EVI5: variants seen among roughly 807,000 people sequenced by gnomAD.
The protein encoded by EVI5 is ecotropic viral integration site 5.
EVI5 carries 73 observed loss-of-function variants against 112.0 expected under a neutral mutation model. The ratio of observed to expected loss-of-function variants is 0.65; its 90% CI spans 0.54 to 0.79. The LOEUF (loss-of-function observed/expected upper bound fraction) is 0.79, where lower values mean the gene tolerates loss of function less well. Ranked by LOEUF, EVI5 falls within the 30% of genes least tolerant of loss-of-function variation. EVI5 has a pLI of 0.00. For missense variants in EVI5, 900 were observed against 968.8 expected, an observed-to-expected ratio of 0.93 and a Z score of 0.94; for synonymous variants, 305 against 319.9, an observed-to-expected ratio of 0.95 and a Z score of 0.50.
chr1:92,775,811 T>C (rs1005563861), intron 1 of EVI5, among the ~76,000 whole-genome samples: 1 of 152,102 alleles, frequency 6.6e-6, no homozygotes, highest in African/African-American at 2.4e-5. Context: ...ATAAAACTTG[T>C]TAAAAATTAA....
At chr1:92,597,507 T>C (rs1648180584) in intron 18 of EVI5, among the ~76,000 whole-genome samples, 1 of 152,216 alleles carries the variant, frequency 6.6e-6, no homozygotes, top group Admixed American at 6.5e-5. Flanking sequence ...TCTGTAATGG[T>C]AAATTCATTT....
At chr1:92,769,477 C>T (rs532167843) in intron 1 of EVI5, among the ~76,000 whole-genome samples, 10 of 152,262 alleles carry the variant, frequency 6.6e-5, no homozygotes, top group South Asian at 4.1e-4. Context: ...CCTCCTCTCA[C>T]GCCCCCTGCC....
intron 2 of EVI5, among the ~76,000 whole-genome samples, chr1:92,717,377 A>G (rs1366966678): frequency 1.3e-5 from 2 of 152,246 alleles, no homozygotes; most frequent in Non-Finnish European, 2.9e-5. Flanking sequence ...AGAAGAGAGT[A>G]GGGGCCAATC....
At chr1:92,722,594 A>G (rs1674938626) in intron 2 of EVI5, among the ~76,000 whole-genome samples, 1 of 151,246 alleles carries the variant, frequency 6.6e-6, no homozygotes, top group Admixed American at 6.6e-5. Context: ...TTTCTATCAC[A>G]TATCTCCTTT....
intron 1 of EVI5, among the ~76,000 whole-genome samples, chr1:92,742,726 T>C (rs1397207556): frequency 1.3e-5 from 2 of 151,806 alleles, no homozygotes; most frequent in African/African-American, 4.8e-5. Flanking sequence ...AAAACCACAA[T>C]GAGATATCAT....
intron 13 of EVI5, among the ~76,000 whole-genome samples, chr1:92,637,281 G>A (rs904612340): frequency 2.0e-5 from 3 of 151,994 alleles, no homozygotes; most frequent in Non-Finnish European, 2.9e-5. Flanking sequence ...GGGAGTGTGA[G>A]GCAGGAGAAT....
chr1:92,658,810 G>C (rs969356813), intron 13 of EVI5, among the ~76,000 whole-genome samples: 1 of 151,936 alleles, frequency 6.6e-6, no homozygotes, highest in Non-Finnish European at 1.5e-5. Flanking sequence ...TGGAGATATT[G>C]CATTACTTAA....
At chr1:92,573,856 A>G (rs1418485723) in intron 18 of EVI5, among the ~76,000 whole-genome samples, 6 of 152,136 alleles carry the variant, frequency 3.9e-5, no homozygotes, top group Non-Finnish European at 8.8e-5. Flanking sequence ...TTCCACATAT[A>G]TGACTTCCAT....
intron 19 of EVI5, among the ~76,000 whole-genome samples, chr1:92,555,147 C>T (rs1486280898): frequency 6.6e-6 from 1 of 152,100 alleles, no homozygotes; most frequent in Non-Finnish European, 1.5e-5. Flanking sequence ...GGGATAAAAA[C>T]CCTATTTACT....
Position 92,526,038 on chromosome 1 carries a change from C to A in EVI5, c.2167-12068G>T, listed in dbSNP as rs143269397. ...TTGAGTAGGGTTCTGGCTTCTAGAA[C>A]AATGGAATCTGTACCTATTATTGTT... On this transcript the variant is annotated intron_variant, in intron 19 of 19. Transcript: ENST00000684568. Among the ~76,000 whole-genome samples the A allele has an allele frequency of 4.7e-3, 687 of 147,574 alleles. 11 individuals are homozygous for A. Among genetic ancestry groups the A allele is most frequent in the African/African-American group, 0.016 (652 of 39,536 alleles).
intron 18 of EVI5, among the ~76,000 whole-genome samples, chr1:92,591,542 A>G (rs1410037653): frequency 6.6e-6 from 1 of 152,246 alleles, no homozygotes; most frequent in South Asian, 2.1e-4. Context: ...TAAAGGGATC[A>G]ATTCAACAAG....
intron 19 of EVI5, among the ~76,000 whole-genome samples, chr1:92,529,842 T>C (rs1662548191): frequency 6.6e-6 from 1 of 152,224 alleles, no homozygotes; most frequent in Non-Finnish European, 1.5e-5. Flanking sequence ...GTTTATAGTA[T>C]TTAAAATAAA....
intron 18 of EVI5, among the ~76,000 whole-genome samples, chr1:92,588,401 C>T (rs1673150039): frequency 6.6e-6 from 1 of 152,212 alleles, no homozygotes; most frequent in African/African-American, 2.4e-5. Context: ...AGGCCCTTTG[C>T]CTGTACTATT....
chr1:92,678,503 C>G (rs1262601024), intron 9 of EVI5, among the ~76,000 whole-genome samples: 1 of 152,040 alleles, frequency 6.6e-6, no homozygotes, highest in African/African-American at 2.4e-5. Context: ...TGCACTCCAG[C>G]CTGGGACCCT....
upstream of EVI5, among the ~76,000 whole-genome samples, chr1:92,788,506 A>AAAACAAAACAAAAC (rs1558266152): frequency 9.3e-5 from 14 of 150,104 alleles, no homozygotes; most frequent in African/African-American, 3.5e-4. Flanking sequence ...CAAAACAAAA[A>AAAACAAAACAAAAC]AAAAACTAGG....
intron 1 of EVI5, among the ~76,000 whole-genome samples, chr1:92,737,486 A>G (rs1269500222): frequency 1.3e-5 from 2 of 152,208 alleles, no homozygotes; most frequent in African/African-American, 2.4e-5. Flanking sequence ...ATATGCTCAC[A>G]TATTTGTCAT....
At chr1:92,672,022 C>T (rs775677149) in intron 10 of EVI5, among the ~76,000 whole-genome samples, 46 of 151,976 alleles carry the variant, frequency 3.0e-4, no homozygotes, top group Non-Finnish European at 6.2e-4. Context: ...CCAGGCTGGT[C>T]TTGAACTCCT....
chr1:92,684,049 G>A (rs1668063655), intron 9 of EVI5, among the ~76,000 whole-genome samples: 1 of 151,994 alleles, frequency 6.6e-6, no homozygotes, highest in Non-Finnish European at 1.5e-5. Context: ...GAAAAACAGA[G>A]AACACCACAA....
chr1:92,784,699 G>GCGCC, intron 1 of EVI5, 137 bp downstream of exon 1: 1 of 552,806 alleles, frequency 1.8e-6, no homozygotes, highest in Non-Finnish European at 2.3e-6. Flanking sequence ...GGGGCCAGGC[G>GCGCC]CGCCCGCCCC....
Sources: allele counts gnomAD v4.1 joint callset (sites outside exome capture counted in the v4.1 genomes callset), GRCh38; gene constraint gnomAD v4.1.1; transcripts MANE v1.5; gene names NCBI Gene and HGNC (gene_info 2026-07-23, HGNC 2026-07-21).